Variants in BMPR2 observed in about 807,000 individuals in gnomAD.
The protein encoded by BMPR2 is bone morphogenetic protein receptor type-2.
Under a neutral mutation model 100.8 loss-of-function variants are expected in BMPR2, and 29 were observed. The observed-to-expected ratio is 0.29, with a 90% CI of 0.21 to 0.39. The LOEUF is 0.39. BMPR2 is among the 10% of genes least tolerant of loss of function. BMPR2 has a pLI of 1.00. For synonymous variants in BMPR2, 382 were observed against 442.3 expected, an observed-to-expected ratio of 0.86 and a Z score of 1.71; for missense variants, 1,011 against 1,274.5, an observed-to-expected ratio of 0.79 and a Z score of 3.15.
intron 1 of BMPR2, among the ~76,000 whole-genome samples, chr2:202,462,562 T>C (rs980793615): frequency 7.2e-5 from 11 of 151,942 alleles, no homozygotes; most frequent in African/African-American, 2.4e-4. Flanking sequence ...AGGGTGTTAA[T>C]AGAGCACGTT....
Position 202,556,447 on chromosome 2 carries a change from G to C in BMPR2, c.2782G>C (p.Gly928Arg). The C allele has an allele frequency of 6.2e-7, 1 of 1,614,158 alleles. No homozygotes were observed. The highest frequency in any genetic ancestry group is 1.6e-4 in the Middle Eastern group (1 of 6,062). The part of the protein sequence containing the change: ...QGVPSTAADP[G>R]PSKPRRAQRP... ...TGTTCCAAGCACAGCAGCAGATCCT[G>C]GGCCATCAAAGCCCAGAAGAGCACA... Residue 928 changes from glycine (G) to arginine (R), a missense_variant, in exon 12 of 13, where the codon GGG becomes CGG. Physicochemically the swap from Gly to Arg is moderately radical, Grantham distance 125. This residue lies in a region of BMPR2 where 508 missense variants were observed against 552.0 expected (regional missense o/e 0.92). Transcript: ENST00000374580.
chr2:202,397,860 CCTGTAATCCCAG>C (rs1690684511), intron 1 of BMPR2, among the ~76,000 whole-genome samples: 1 of 151,472 alleles, frequency 6.6e-6, no homozygotes, highest in Non-Finnish European at 1.5e-5. Context: ...GTGGCTCCCG[CCTGTAATCCCAG>C]CACTTTGGGA....
chr2:202,443,326 C>T (rs1488427935), intron 1 of BMPR2, among the ~76,000 whole-genome samples: 1 of 150,652 alleles, frequency 6.6e-6, no homozygotes, highest in African/African-American at 2.5e-5. Context: ...TATTTATACC[C>T]AGAAATAGAA....
intron 9 of BMPR2, among the ~76,000 whole-genome samples, chr2:202,540,306 A>T (rs1325216103): frequency 6.6e-6 from 1 of 152,210 alleles, no homozygotes; most frequent in Non-Finnish European, 1.5e-5. Flanking sequence ...GACAGATCAG[A>T]TACATTAGTA....
intron 1 of BMPR2, among the ~76,000 whole-genome samples, chr2:202,386,980 G>T (rs1485730812): frequency 1.3e-5 from 2 of 152,056 alleles, no homozygotes; most frequent in Non-Finnish European, 2.9e-5. Context: ...ACTGCGCCCG[G>T]GCAGACCCTT....
intron 9 of BMPR2, 100 bp from the exon 10 acceptor site, chr2:202,542,211 C>A: frequency 7.2e-7 from 1 of 1,393,856 alleles, no homozygotes; most frequent in Non-Finnish European, 1.0e-6. Flanking sequence ...GATTGTGACA[C>A]AATTTTTTTT....
intron 10 of BMPR2, among the ~76,000 whole-genome samples, chr2:202,551,828 C>A (rs1158711642): frequency 6.6e-6 from 1 of 151,192 alleles, no homozygotes; most frequent in Non-Finnish European, 1.5e-5. Flanking sequence ...TCCCAAGTAG[C>A]TGGGACTACA....
rs1222107982 is a variant in BMPR2 at position 202,532,154 on chromosome 2, G to A, written c.1129-431G>A. ...GACGGGGTTTCACTGTGTTAGCCAG[G>A]ATGGTCTCGATCTCCTGACCTTGAG... On this transcript the variant is annotated intron_variant, in intron 8 of 12. Coordinates refer to ENST00000374580, the MANE Select transcript of BMPR2 (RefSeq NM_001204.7). This position sits in a 1 kb window ranked among gnomAD's most constrained non-coding sequence, Gnocchi z 4.1. Among the ~76,000 whole-genome samples, 3 of 147,656 alleles carry A rather than the reference G, an allele frequency of 2.0e-5. No individual in the cohort carries two copies. The highest frequency in any genetic ancestry group is 3.0e-5 in the Non-Finnish European group (2 of 67,128).
At chr2:202,512,039 A>AG (rs1687635540) in intron 3 of BMPR2, among the ~76,000 whole-genome samples, 1 of 151,994 alleles carries the variant, frequency 6.6e-6, no homozygotes, top group African/African-American at 2.4e-5. Flanking sequence ...AAAGAAAGAA[A>AG]GAAAAAAGAA....
In BMPR2 at chr2:202,555,374, A is replaced by T. The variant is rs771994092; in HGVS notation, c.1709A>T (p.His570Leu). The change falls in exon 12 of 13, where the codon CAT becomes CTT. Residue 570 changes from histidine (H) to leucine (L), a missense_variant. Around this residue, in one of 6 missense-constraint regions of BMPR2, gnomAD observed 508 missense variants for 552.0 expected, o/e 0.92. Transcript: ENST00000374580. ...DSIVKNISSE[H>L]SMSSTPLTIG... ...ATCGTGAAGAATATTTCCTCTGAGC[A>T]TTCTATGTCCAGCACACCTTTGACT... The T allele has an allele frequency of 6.2e-7, 1 of 1,614,196 alleles. No homozygotes were observed. The highest frequency in any genetic ancestry group is 8.5e-7 in the Non-Finnish European group (1 of 1,180,030).
At chr2:202,475,238 T>C (rs1308133504) in intron 3 of BMPR2, 2 of 152,176 alleles carry the variant, frequency 1.3e-5, no homozygotes, top group East Asian at 1.9e-4. Flanking sequence ...TTTAGTAGTT[T>C]GGCCAAGCTG....
chr2:202,556,025 G>C lies in BMPR2; in HGVS notation c.2360G>C (p.Gly787Ala), dbSNP rs1487046800. 1 of 1,614,146 alleles carries C rather than the reference G, an allele frequency of 6.2e-7. No homozygotes were observed. The highest frequency in any genetic ancestry group is 1.1e-5 in the South Asian group (1 of 91,080). ...TCAAACTTGAAACAAGTCGAAACTG[G>C]AGTTGCCAAGATGAATACAATCAAT... ...HKSNLKQVET[G>A]VAKMNTINAA... The change falls in exon 12 of 13, where the codon GGA becomes GCA. Residue 787 changes from glycine (G) to alanine (A), a missense_variant. Transcript: ENST00000374580.
At chr2:202,483,051 T>C (rs1057432391) in intron 3 of BMPR2, among the ~76,000 whole-genome samples, 1 of 152,190 alleles carries the variant, frequency 6.6e-6, no homozygotes, top group African/African-American at 2.4e-5. Context: ...TTTTTTTAAA[T>C]AGTCGCTGTC....
Position 202,518,841 on chromosome 2 carries a change from A to G in BMPR2, c.641A>G (p.Tyr214Cys), listed in dbSNP as rs774243835. 6.2e-7 allele frequency: 1 copy of G among 1,614,106 alleles called. No homozygotes were observed. Among genetic ancestry groups the G allele is most frequent in the Non-Finnish European group, 8.5e-7 (1 of 1,180,038 alleles). ...KLLELIGRGR[Y>C]GAVYKGSLDE... ...TTGCAGCTGATTGGCCGAGGTCGAT[A>G]TGGAGCAGTATATAAAGGCTCCTTG... Residue 214 changes from tyrosine (Y) to cysteine (C), a missense_variant, in exon 6 of 13, where the codon TAT (tyrosine) becomes TGT (cysteine). Physicochemically the swap from Tyr to Cys is radical, Grantham distance 194. Coordinates refer to ENST00000374580, the MANE Select transcript of BMPR2 (RefSeq NM_001204.7).
intron 1 of BMPR2, among the ~76,000 whole-genome samples, chr2:202,423,938 G>C (rs1691325376): frequency 6.6e-6 from 1 of 151,910 alleles, no homozygotes; most frequent in Non-Finnish European, 1.5e-5. Context: ...CACGGATGTG[G>C]TGGCCCGTGC....
Position 202,520,211 on chromosome 2 carries a change from T to C in BMPR2, c.967+10T>C. ...GAATTACCACGAGGAGGTAAGATAG[T>C]CAATAGATGAAATTGACACTCATGT... On this transcript the variant is annotated intron_variant, in intron 7 of 12. Transcript: ENST00000374580. The C allele has an allele frequency of 6.3e-7, 1 of 1,585,290 alleles. No homozygotes were observed.
intron 1 of BMPR2, among the ~76,000 whole-genome samples, chr2:202,418,760 T>G (rs186100501): frequency 1.1e-3 from 171 of 152,302 alleles, no homozygotes; most frequent in Middle Eastern, 3.4e-3. Context: ...GAAGCTTCCT[T>G]GTAGCAGGCT....
chr2:202,490,029 G>A (rs1692868975), intron 3 of BMPR2, among the ~76,000 whole-genome samples: 1 of 152,066 alleles, frequency 6.6e-6, no homozygotes. Context: ...TTTTTGTCTG[G>A]GACCCACGAT....
chr2:202,496,938 C>T (rs999618560), intron 3 of BMPR2, among the ~76,000 whole-genome samples: 5 of 152,222 alleles, frequency 3.3e-5, no homozygotes, highest in African/African-American at 7.2e-5. Flanking sequence ...ACCAGGGCTG[C>T]GTGCCACGCT....
Sources: allele counts gnomAD v4.1 joint callset (sites outside exome capture counted in the v4.1 genomes callset), GRCh38; gene constraint gnomAD v4.1.1; regional missense constraint gnomAD v4.1.1; non-coding constraint Gnocchi (gnomAD v3.1); transcripts MANE v1.5; gene names NCBI Gene and HGNC (gene_info 2026-07-23, HGNC 2026-07-21).